RIMS1: variants seen among roughly 807,000 people sequenced by gnomAD.
RIMS1 encodes regulating synaptic membrane exocytosis 1.
RIMS1 carries 83 observed loss-of-function variants against 214.1 expected under a neutral mutation model. That is an observed-to-expected ratio of 0.39 (90% CI 0.32 to 0.47). The LOEUF (loss-of-function observed/expected upper bound fraction) is 0.47. Ranked by LOEUF, RIMS1 falls within the 20% of genes least tolerant of loss-of-function variation. The pLI is 0.99. For synonymous variants in RIMS1, 793 were observed against 786.8 expected, an observed-to-expected ratio of 1.01 and a Z score of -0.13; for missense variants, 2,050 against 2,161.8, an observed-to-expected ratio of 0.95 and a Z score of 1.03.
At chr6:71,904,975 A>T (rs1260475533) in intron 1 of RIMS1, among the ~76,000 whole-genome samples, 1 of 152,110 alleles carries the variant, frequency 6.6e-6, no homozygotes, top group Non-Finnish European at 1.5e-5. Context: ...ATTTTTTGTA[A>T]ATAAGACAAT....
At chr6:72,349,283 T>C (rs9446624) in intron 29 of RIMS1, among the ~76,000 whole-genome samples, 2,052 of 152,128 alleles carry the variant, frequency 0.013, 49 homozygotes, top group African/African-American at 0.048. Flanking sequence ...CCATAGGATG[T>C]TTTTGTAAAT....
At chr6:72,261,183 T>A (rs1236160327) in intron 19 of RIMS1, 1 of 1,018,210 alleles carries the variant, frequency 9.8e-7, no homozygotes, top group Non-Finnish European at 1.2e-6. Context: ...GTTTTAGCCT[T>A]TTTTAATTTC....
chr6:72,030,321 GA>G (rs1817725609), intron 2 of RIMS1, among the ~76,000 whole-genome samples: 1 of 152,130 alleles, frequency 6.6e-6, no homozygotes, highest in African/African-American at 2.4e-5. Context: ...GATTCAGAGA[GA>G]CTTTTCCCTC....
intron 6 of RIMS1, among the ~76,000 whole-genome samples, chr6:72,190,463 CAAAAAA>C (rs59655989): frequency 2.9e-4 from 37 of 128,500 alleles, no homozygotes; most frequent in East Asian, 6.3e-4. Context: ...AACTCTGTCT[CAAAAAA>C]AAAAAAAAAA....
At chr6:72,239,362 C>A (rs534743732) in intron 9 of RIMS1, among the ~76,000 whole-genome samples, 2 of 152,254 alleles carry the variant, frequency 1.3e-5, no homozygotes, top group South Asian at 2.1e-4. Context: ...AAACTTAAAT[C>A]TGAAATGTTA....
chr6:72,047,059 T>C (rs1382654776), intron 2 of RIMS1, among the ~76,000 whole-genome samples: 1 of 152,190 alleles, frequency 6.6e-6, no homozygotes, highest in Non-Finnish European at 1.5e-5. Context: ...TTTACTGTTA[T>C]ATAGCCTAAA....
chr6:72,063,156 G>A lies in RIMS1; in HGVS notation c.246-33793G>A, dbSNP rs184054108. ...ACACGTTGAAAATACAAGCTTCAGAGTTATCACACTAAAAGGGACAAAGGA... is the reference window on the plus strand; with the variant it reads ...ACACGTTGAAAATACAAGCTTCAGAATTATCACACTAAAAGGGACAAAGGA... On this transcript the variant is annotated intron_variant, in intron 2 of 33. Transcript: ENST00000521978. 6.6e-5 allele frequency among the ~76,000 whole-genome samples: 10 copies of A among 152,244 alleles called. No homozygotes were observed. The East Asian group carries it at 1.7e-3, about 27-fold the overall frequency.
At chr6:72,017,399 C>A (rs1285434792) in intron 2 of RIMS1, among the ~76,000 whole-genome samples, 1 of 152,016 alleles carries the variant, frequency 6.6e-6, no homozygotes, top group African/African-American at 2.4e-5. Context: ...GTATACAGTG[C>A]CTCTGTAGAT....
intron 2 of RIMS1, among the ~76,000 whole-genome samples, chr6:72,047,002 T>G (rs1027168906): frequency 7.9e-5 from 12 of 152,160 alleles, no homozygotes; most frequent in African/African-American, 2.9e-4. Flanking sequence ...AAATACCTTT[T>G]TCACTGTAGG....
At chr6:72,099,923 T>G in intron 3 of RIMS1, 52 bp from the exon 4 acceptor site, 2 of 1,542,472 alleles carry the variant, frequency 1.3e-6, no homozygotes, top group Non-Finnish European at 1.8e-6. Flanking sequence ...ATTTTGTTTT[T>G]CTTTTCTTTG....
At chr6:72,250,880 T>G (rs1415801830) in intron 13 of RIMS1, 41 bp from the exon 14 acceptor site, 3 of 1,176,908 alleles carry the variant, frequency 2.5e-6, no homozygotes, top group African/African-American at 1.6e-5. Flanking sequence ...GATGGCAGCA[T>G]GTACTTGCTT....
intron 1 of RIMS1, among the ~76,000 whole-genome samples, chr6:71,899,347 G>T (rs1772851500): frequency 1.3e-5 from 2 of 151,976 alleles, no homozygotes; most frequent in South Asian, 4.2e-4. Context: ...TTACAAAGAA[G>T]AGCTTTCTTT....
intron 1 of RIMS1, among the ~76,000 whole-genome samples, chr6:71,962,209 A>G (rs1342180329): frequency 1.3e-5 from 2 of 152,272 alleles, no homozygotes; most frequent in East Asian, 1.9e-4. Context: ...TTTTCTTATC[A>G]GTCTTTGAAA....
At chr6:72,357,526 G>T (rs542482992) in intron 29 of RIMS1, among the ~76,000 whole-genome samples, 1 of 152,236 alleles carries the variant, frequency 6.6e-6, no homozygotes, top group East Asian at 1.9e-4. Context: ...TGGATTTCAG[G>T]TGCCTCTCTG....
chr6:72,211,739 G>A (rs2053842418), intron 6 of RIMS1, among the ~76,000 whole-genome samples: 1 of 152,024 alleles, frequency 6.6e-6, no homozygotes, highest in South Asian at 2.1e-4. Flanking sequence ...GAATTTCTAA[G>A]ATATTATATG....
Position 72,400,649 on chromosome 6 carries a change from C to T in RIMS1, c.5014C>T (p.Leu1672Phe). 1 of 1,613,894 alleles carries T rather than the reference C, an allele frequency of 6.2e-7. No individual in the cohort carries two copies. The highest frequency in any genetic ancestry group is 8.5e-7 in the Non-Finnish European group (1 of 1,179,840). ...ACTGGTGGATCCCACACTCACTCCC[C>T]TCACCCGGCGGGCTTCCCAGTCATC... ...SSLVDPTLTPLTRRASQSSLE... is the reference protein window; with the variant it reads ...SSLVDPTLTPFTRRASQSSLE... The change falls in exon 34 of 34, where the codon CTC (leucine) becomes TTC (phenylalanine). Residue 1672 changes from leucine (L) to phenylalanine (F), a missense_variant. By Grantham distance (22) the Leu-to-Phe change is conservative. Coordinates refer to ENST00000521978, the MANE Select transcript of RIMS1 (RefSeq NM_014989.7).
At chr6:71,981,375 T>G (rs544540816) in intron 2 of RIMS1, among the ~76,000 whole-genome samples, 26 of 152,264 alleles carry the variant, frequency 1.7e-4, no homozygotes, top group African/African-American at 6.0e-4. Flanking sequence ...GGTTATTCAT[T>G]TTAACTATTC....
intron 2 of RIMS1, among the ~76,000 whole-genome samples, chr6:72,043,802 T>C (rs1822167967): frequency 1.3e-5 from 2 of 151,804 alleles, no homozygotes; most frequent in Admixed American, 6.6e-5. Context: ...GAATCAAAAA[T>C]TTAATGAATA....
chr6:71,980,144 T>C (rs1798131106), intron 2 of RIMS1, among the ~76,000 whole-genome samples: 1 of 152,036 alleles, frequency 6.6e-6, no homozygotes, highest in Non-Finnish European at 1.5e-5. Flanking sequence ...TAGTTGGTTG[T>C]TGTGAAAAAA....
Sources: gnomAD v4.1 joint callset for allele counts (sites outside exome capture counted in the v4.1 genomes callset) on GRCh38, gnomAD v4.1.1 for gene constraint, MANE v1.5 for transcripts, NCBI Gene and HGNC (gene_info 2026-07-23, HGNC 2026-07-21) for gene names.